Variants in FBXL17 observed in about 807,000 individuals in gnomAD.
FBXL17 encodes F-box/LRR-repeat protein 17.
FBXL17 carries 22 observed loss-of-function variants against 66.2 expected under a neutral mutation model. That is an observed-to-expected ratio of 0.33 (90% CI 0.24 to 0.47). The LOEUF is 0.47. FBXL17 is among the 20% of genes least tolerant of loss of function. The pLI is 1.00. For synonymous variants in FBXL17, 474 were observed against 400.5 expected, an observed-to-expected ratio of 1.18 and a Z score of -2.19; for missense variants, 878 against 948.2, an observed-to-expected ratio of 0.93 and a Z score of 0.97.
chr5:108,280,612 A>G (rs1385949282), intron 4 of FBXL17, among the ~76,000 whole-genome samples: 1 of 152,026 alleles, frequency 6.6e-6, no homozygotes, highest in African/African-American at 2.4e-5. Flanking sequence ...CAGAAAAAAA[A>G]ACAAAGAATT....
chr5:108,369,471 C>A (rs1748890048), intron 1 of FBXL17, among the ~76,000 whole-genome samples: 1 of 152,138 alleles, frequency 6.6e-6, no homozygotes, highest in African/African-American at 2.4e-5. Flanking sequence ...CAGAGTAAAT[C>A]TCTTCAAATA....
chr5:108,071,051 C>G (rs1748311546), intron 6 of FBXL17, among the ~76,000 whole-genome samples: 1 of 152,204 alleles, frequency 6.6e-6, no homozygotes, highest in African/African-American at 2.4e-5. Flanking sequence ...TCTCAACTAA[C>G]TGCAATCCAA....
chr5:108,040,870 G>A (rs1747019125), intron 6 of FBXL17, among the ~76,000 whole-genome samples: 1 of 152,122 alleles, frequency 6.6e-6, no homozygotes, highest in Non-Finnish European at 1.5e-5. Context: ...TTGTAAGAAT[G>A]ATTTGGTTTA....
intron 6 of FBXL17, among the ~76,000 whole-genome samples, chr5:108,159,454 T>G (rs1752123263): frequency 6.6e-6 from 1 of 151,994 alleles, no homozygotes; most frequent in South Asian, 2.1e-4. Flanking sequence ...CTTTGGGAAG[T>G]GATTGGTCAG....
At chr5:107,983,064 T>C (rs1428268296) in intron 7 of FBXL17, among the ~76,000 whole-genome samples, 1 of 152,132 alleles carries the variant, frequency 6.6e-6, no homozygotes, top group East Asian at 1.9e-4. Flanking sequence ...TTCTCCCCTT[T>C]CTTATTAATT....
At chr5:108,281,772 TGATA>T (rs1258370861) in intron 4 of FBXL17, among the ~76,000 whole-genome samples, 2 of 151,550 alleles carry the variant, frequency 1.3e-5, no homozygotes, top group African/African-American at 2.4e-5. Flanking sequence ...CAAACAAAAT[TGATA>T]AATAGCTACA....
At chr5:107,933,444 G>T (rs1422396335) in intron 7 of FBXL17, among the ~76,000 whole-genome samples, 1 of 152,108 alleles carries the variant, frequency 6.6e-6, no homozygotes, top group East Asian at 1.9e-4. Flanking sequence ...ACTTACATTG[G>T]ACTTAAGACA....
intron 6 of FBXL17, among the ~76,000 whole-genome samples, chr5:108,041,226 T>C (rs1169115585): frequency 6.6e-6 from 1 of 152,214 alleles, no homozygotes; most frequent in Admixed American, 6.5e-5. Context: ...TAGTATTTTA[T>C]ATTCCATCTC....
intron 6 of FBXL17, among the ~76,000 whole-genome samples, chr5:108,046,133 C>G (rs1747245758): frequency 6.6e-6 from 1 of 152,172 alleles, no homozygotes; most frequent in Non-Finnish European, 1.5e-5. Context: ...TTTTCCTGCT[C>G]TGTTGTTTGC....
intron 7 of FBXL17, among the ~76,000 whole-genome samples, chr5:107,962,059 G>C (rs1294435535): frequency 6.6e-6 from 1 of 151,988 alleles, no homozygotes; most frequent in African/African-American, 2.4e-5. Flanking sequence ...TACTTCTATT[G>C]TATAGTTCTT....
chr5:107,902,573 A>C (rs762284542), intron 7 of FBXL17, among the ~76,000 whole-genome samples: 24 of 152,132 alleles, frequency 1.6e-4, no homozygotes, highest in Non-Finnish European at 2.1e-4. Flanking sequence ...AAACAGGTAA[A>C]TTCGGATTAT....
intron 7 of FBXL17, among the ~76,000 whole-genome samples, chr5:108,003,979 A>C (rs546664920): frequency 6.6e-6 from 1 of 152,296 alleles, no homozygotes; most frequent in South Asian, 2.1e-4. Context: ...GAAGATCTAT[A>C]AATTCTGAAC....
intron 7 of FBXL17, among the ~76,000 whole-genome samples, chr5:107,964,910 T>C (rs1380303480): frequency 6.6e-6 from 1 of 152,140 alleles, no homozygotes; most frequent in African/African-American, 2.4e-5. Flanking sequence ...CTGGCTTTGA[T>C]CTTGCAGTGA....
intron 5 of FBXL17, among the ~76,000 whole-genome samples, chr5:108,212,778 G>T (rs1017729175): frequency 6.7e-6 from 1 of 149,770 alleles, no homozygotes; most frequent in Non-Finnish European, 1.5e-5. Flanking sequence ...CTCCCAGTCA[G>T]GATACACAGG....
intron 4 of FBXL17, among the ~76,000 whole-genome samples, chr5:108,266,777 C>T (rs868616740): frequency 6.6e-6 from 1 of 151,990 alleles, no homozygotes; most frequent in Non-Finnish European, 1.5e-5. Context: ...AAATTTGTGG[C>T]TACAGTGCAT....
intron 7 of FBXL17, among the ~76,000 whole-genome samples, chr5:108,009,298 T>TAGAGAGAG (rs1475870219): frequency 1.4e-5 from 1 of 71,450 alleles, no homozygotes; most frequent in Non-Finnish European, 2.5e-5. Flanking sequence ...TATATATATA[T>TAGAGAGAG]ATACATATAT....
At chr5:108,146,669 G>A (rs951323307) in intron 6 of FBXL17, among the ~76,000 whole-genome samples, 1 of 152,152 alleles carries the variant, frequency 6.6e-6, no homozygotes, top group African/African-American at 2.4e-5. Flanking sequence ...GACTCCTGGA[G>A]AGTCAGTCAT....
At chr5:108,338,041 T>C (rs1249319432) in intron 4 of FBXL17, among the ~76,000 whole-genome samples, 1 of 152,042 alleles carries the variant, frequency 6.6e-6, no homozygotes, top group Non-Finnish European at 1.5e-5. Context: ...AGTATATTAA[T>C]AGAATGAGTA....
chr5:107,860,050 A>C lies in FBXL17; in HGVS notation c.*1670T>G, dbSNP rs1748079394. 6.6e-6 allele frequency: 1 copy of C among 152,178 alleles called. No individual in the cohort carries two copies. Among genetic ancestry groups the C allele is most frequent in the African/African-American group, 2.4e-5 (1 of 41,448 alleles). 9.4% of individuals were successfully genotyped at this position (152,178 alleles called of 1,614,324 possible). A position where few individuals can be genotyped will look rare whatever the true frequency, so the allele number is the denominator to read the frequency against. On this transcript the variant is annotated 3_prime_UTR_variant, in exon 9 of 9. Transcript: ENST00000542267. Reference sequence around the variant, plus strand: ...AATACTCATGGCGCTTACTGACTAGATTTTCCTAACCGATTGGGATTAAAA... The same window carrying C: ...AATACTCATGGCGCTTACTGACTAGCTTTTCCTAACCGATTGGGATTAAAA...
Sources: gnomAD v4.1 joint callset for allele counts (sites outside exome capture counted in the v4.1 genomes callset) on GRCh38, gnomAD v4.1.1 for gene constraint, MANE v1.5 for transcripts, NCBI Gene and HGNC (gene_info 2026-07-23, HGNC 2026-07-21) for gene names.